DAZAP1: variants seen among roughly 807,000 people sequenced by gnomAD.
DAZAP1 encodes the protein DAZ-associated protein 1.
Under a neutral mutation model 60.1 loss-of-function variants are expected in DAZAP1, and 6 were observed. The ratio of observed to expected loss-of-function variants is 0.10; its 90% CI spans 0.05 to 0.20. The LOEUF (loss-of-function observed/expected upper bound fraction) is 0.20. Among genes scored for constraint, DAZAP1 ranks in the 10% least tolerant of loss-of-function variants. The pLI, the probability that DAZAP1 is intolerant of heterozygous loss-of-function variation, is 1.00. For synonymous variants in DAZAP1, 235 were observed against 215.9 expected, an observed-to-expected ratio of 1.09 and a Z score of -0.78; for missense variants, 366 against 560.4, an observed-to-expected ratio of 0.65 and a Z score of 3.50.
chr19:1,434,069 T>C lies in DAZAP1; in HGVS notation c.1049-668T>C, dbSNP rs566719185. 2 of 557,966 alleles carry C rather than the reference T, an allele frequency of 3.6e-6. No individual in the cohort carries two copies. The highest frequency in any genetic ancestry group is 4.2e-5 in the South Asian group (2 of 47,784). The allele number at this position is 557,966 out of a possible 1,614,324, so 34.6% of individuals were successfully genotyped here. ...CCCAGAGGTCGTGGGAGGGGCTTCCTGCAAGGTGTGCAGCGGGGTGGGGAG... is the reference window on the plus strand; with the variant it reads ...CCCAGAGGTCGTGGGAGGGGCTTCCCGCAAGGTGTGCAGCGGGGTGGGGAG... On this transcript the variant is annotated intron_variant, in intron 11 of 11. Coordinates refer to ENST00000233078, the MANE Select transcript of DAZAP1 (RefSeq NM_018959.4). The surrounding 1 kb of genome is among the most constrained non-coding windows in gnomAD (Gnocchi z 8.0).
intron 4 of DAZAP1, among the ~76,000 whole-genome samples, chr19:1,420,577 GC>G (rs2083127454): frequency 6.6e-6 from 1 of 152,094 alleles, no homozygotes; most frequent in African/African-American, 2.4e-5. Flanking sequence ...GAGACTCCTG[GC>G]TCTGGCCACC....
At chr19:1,427,066 TC>T (rs1319851538) in intron 7 of DAZAP1, 1 of 152,218 alleles carries the variant, frequency 6.6e-6, no homozygotes, top group East Asian at 1.9e-4. Context: ...GTTGCAGACT[TC>T]ATTAATTCCA....
rs1427602023 is a variant in DAZAP1, at chr19:1,418,427, CTTCA to C, written c.237+60_237+63del. On this transcript the variant is annotated intron_variant, in intron 3 of 11. Transcript: ENST00000233078. The surrounding 1 kb of genome is among the most constrained non-coding windows in gnomAD (Gnocchi z 5.7). The stretch of plus-strand genomic sequence containing the variant: ...CTCTGTCTCCCCTGTCCTTCCTCTG[CTTCA>C]TTTTTTCCTGGACTCTGACCGATGT... The C allele has an allele frequency of 5.0e-6, 8 of 1,588,366 alleles. No homozygotes were observed. The highest frequency in any genetic ancestry group is 6.9e-6 in the Non-Finnish European group (8 of 1,161,946).
chr19:1,418,487 G>T lies in DAZAP1; in HGVS notation c.237+117G>T, dbSNP rs148335010. ...TTAGAGTATGTTTGAACGTGGGGTC[G>T]ATTGGGAAGGATTAAGCCTTGGTGC... On this transcript the variant is annotated intron_variant, in intron 3 of 11. Transcript: ENST00000233078. This position sits in a 1 kb window ranked among gnomAD's most constrained non-coding sequence, Gnocchi z 5.7. 11 of 1,430,084 alleles carry T rather than the reference G, an allele frequency of 7.7e-6. No individual in the cohort carries two copies. The East Asian group carries it at 1.8e-4, about 24-fold the overall frequency. The allele number at this position is 1,430,084 out of a possible 1,614,324, so 88.6% of individuals were successfully genotyped here.
At chr19:1,429,483 G>A (rs998077355) in intron 8 of DAZAP1, among the ~76,000 whole-genome samples, 1 of 152,182 alleles carries the variant, frequency 6.6e-6, no homozygotes. Flanking sequence ...AGCAGCCACG[G>A]AACCCCTGGG....
rs1420314881 is a variant in DAZAP1 at position 1,432,724 on chromosome 19, G to C, written c.1048+34G>C. The C allele has an allele frequency of 6.4e-7, 1 of 1,561,168 alleles. No individual in the cohort carries two copies. The highest frequency in any genetic ancestry group is 8.7e-7 in the Non-Finnish European group (1 of 1,150,372). ...TCTCCTGCCATGCCGCGTCCCCGCTGGCCCCAGGACCCTGGGCACGGCCTG... is the reference window on the plus strand; with the variant it reads ...TCTCCTGCCATGCCGCGTCCCCGCTCGCCCCAGGACCCTGGGCACGGCCTG... On this transcript the variant is annotated intron_variant, in intron 11 of 11. Transcript: ENST00000233078. The surrounding 1 kb of genome is among the most constrained non-coding windows in gnomAD (Gnocchi z 4.9).
Position 1,418,168 on chromosome 19 carries a change from C to G in DAZAP1, c.71-36C>G. Reference sequence around the variant, plus strand: ...CAGGCACGTGCCTAATGCTCTGGCCCTGTGTGTTTGTGTTTTCTTCCCGAT... The same window carrying G: ...CAGGCACGTGCCTAATGCTCTGGCCGTGTGTGTTTGTGTTTTCTTCCCGAT... On this transcript the variant is annotated intron_variant, in intron 2 of 11. Transcript: ENST00000233078. The surrounding 1 kb of genome is among the most constrained non-coding windows in gnomAD (Gnocchi z 5.7). 1.9e-6 allele frequency: 3 copies of G among 1,611,822 alleles called. No homozygotes were observed. Among genetic ancestry groups the G allele is most frequent in the Non-Finnish European group, 2.5e-6 (3 of 1,178,290 alleles).
chr19:1,419,248 C>T (rs2083076774), intron 4 of DAZAP1, among the ~76,000 whole-genome samples: 1 of 152,222 alleles, frequency 6.6e-6, no homozygotes, highest in Non-Finnish European at 1.5e-5. Context: ...CCACCCACAC[C>T]TCACCTTCCT....
intron 2 of DAZAP1, 83 bp downstream of exon 2, chr19:1,417,623 C>T (rs1486346119): frequency 7.7e-7 from 1 of 1,291,464 alleles, no homozygotes; most frequent in Admixed American, 2.3e-5. Flanking sequence ...CCGCCTCTTG[C>T]TACTGTCTTG....
In DAZAP1 at chr19:1,422,997, G is replaced by T. The variant is rs2144826273; in HGVS notation, c.463+601G>T. Among the ~76,000 whole-genome samples the T allele has an allele frequency of 6.6e-6, 1 of 152,192 alleles. No individual in the cohort carries two copies. Among genetic ancestry groups the T allele is most frequent in the South Asian group, 2.1e-4 (1 of 4,806 alleles). ...CTGGTTTGTGGAGCTGGGACGATGG[G>T]CGCCCAGTTTCTGTGCCCCTTTTCC... On this transcript the variant is annotated intron_variant, in intron 6 of 11. Coordinates refer to ENST00000233078, the MANE Select transcript of DAZAP1 (RefSeq NM_018959.4). This position sits in a 1 kb window ranked among gnomAD's most constrained non-coding sequence, Gnocchi z 4.5.
chr19:1,429,620 C>T (rs1200133804), intron 8 of DAZAP1, among the ~76,000 whole-genome samples: 3 of 152,296 alleles, frequency 2.0e-5, no homozygotes, highest in East Asian at 1.9e-4. Flanking sequence ...GTTGGAAACT[C>T]GGAGGTGCTG....
rs779392373 is a variant in DAZAP1, at chr19:1,421,237, A to C, written c.393A>C (p.Glu131Asp). 14 of 1,614,050 alleles carry C rather than the reference A, an allele frequency of 8.7e-6. No homozygotes were observed. The highest frequency in any genetic ancestry group is 1.0e-5 in the Non-Finnish European group (12 of 1,179,980). The change falls in exon 5 of 12, where the codon GAA becomes GAC. Residue 131 changes from glutamate to aspartate, a missense_variant. This residue lies in a region of DAZAP1 where 28 missense variants were observed against 96.3 expected (regional missense o/e 0.29). Transcript: ENST00000233078. ...ATTGTGGTGAGACAGAGCTCAGGGA[A>C]TACTTCAAGAAGTTCGGAGTGGTGA... ...PHNCGETELR[E>D]YFKKFGVVTE...
At chr19:1,420,175 C>T (rs2668428) in intron 4 of DAZAP1, among the ~76,000 whole-genome samples, 14 of 15,964 alleles carry the variant, frequency 8.8e-4, no homozygotes, top group African/African-American at 3.5e-3. Flanking sequence ...CATGAAACCA[C>T]CCCGAACGTC....
At chr19:1,421,809 C>A (rs189743713) in intron 5 of DAZAP1, among the ~76,000 whole-genome samples, 1 of 152,344 alleles carries the variant, frequency 6.6e-6, no homozygotes, top group African/African-American at 2.4e-5. Context: ...GACAGCCCTG[C>A]GTGCCTGAGT....
In DAZAP1 at chr19:1,434,926, G is replaced by A. The variant is rs751592180; in HGVS notation, c.*14G>A. ...TACCGACGCTAGCCCGCGGCGCCGC[G>A]ACGTCTGCACGGCCCAGACCCAGGA... On this transcript the variant is annotated 3_prime_UTR_variant, in exon 12 of 12. Coordinates refer to ENST00000233078, the MANE Select transcript of DAZAP1 (RefSeq NM_018959.4). The surrounding 1 kb of genome is among the most constrained non-coding windows in gnomAD (Gnocchi z 8.0). The A allele has an allele frequency of 2.9e-5, 41 of 1,393,108 alleles. No individual in the cohort carries two copies. The highest frequency in any genetic ancestry group is 1.6e-4 in the Admixed American group (5 of 30,646). 86.3% of individuals were successfully genotyped at this position (1,393,108 alleles called of 1,614,324 possible). A position where few individuals can be genotyped will look rare whatever the true frequency, so the allele number is the denominator to read the frequency against.
intron 10 of DAZAP1, 119 bp downstream of exon 10, chr19:1,430,481 G>T: frequency 2.1e-6 from 2 of 973,072 alleles, no homozygotes; most frequent in Non-Finnish European, 1.4e-6. Flanking sequence ...TGGGGTGCCG[G>T]CTGGTCAGCA....
Position 1,412,950 on chromosome 19 carries a change from C to T in DAZAP1, c.30-4550C>T, listed in dbSNP as rs73920477. Among the ~76,000 whole-genome samples the T allele has an allele frequency of 3.8e-3, 585 of 152,292 alleles. 2 individuals carry two copies. The highest frequency in any genetic ancestry group is 0.013 in the African/African-American group (559 of 41,550). On this transcript the variant is annotated intron_variant, in intron 1 of 11. Coordinates refer to ENST00000233078, the MANE Select transcript of DAZAP1 (RefSeq NM_018959.4). ...CGCCTCCCCCACTAATGAGAACACC[C>T]CTTTTGGGTTTGTGGGGTGTGAGGT...
intron 1 of DAZAP1, among the ~76,000 whole-genome samples, chr19:1,414,374 C>T (rs2082913818): frequency 6.6e-6 from 1 of 152,130 alleles, no homozygotes; most frequent in Non-Finnish European, 1.5e-5. Context: ...GATGCAGTCC[C>T]CTTTATGTGT....
chr19:1,427,123 G>T (rs961976198), intron 7 of DAZAP1: 3 of 152,216 alleles, frequency 2.0e-5, no homozygotes, highest in African/African-American at 4.8e-5. Context: ...TTCTGACATC[G>T]AGTGCAGCTT....
Sources: allele counts gnomAD v4.1 joint callset (sites outside exome capture counted in the v4.1 genomes callset), GRCh38; gene constraint gnomAD v4.1.1; regional missense constraint gnomAD v4.1.1; non-coding constraint Gnocchi (gnomAD v3.1); transcripts MANE v1.5; gene names NCBI Gene and HGNC (gene_info 2026-07-23, HGNC 2026-07-21).